TLN2: variants seen among roughly 807,000 people sequenced by gnomAD.
TLN2 encodes talin-2.
Under a neutral mutation model 294.7 loss-of-function variants are expected in TLN2, and 118 were observed. The ratio of observed to expected loss-of-function variants is 0.40; its 90% CI spans 0.34 to 0.47. The LOEUF is 0.47. Among genes scored for constraint, TLN2 ranks in the 20% least tolerant of loss-of-function variants. TLN2 has a pLI of 0.84. For synonymous variants in TLN2, 1,431 were observed against 1,304.5 expected, an observed-to-expected ratio of 1.10 and a Z score of -2.09; for missense variants, 3,083 against 3,282.2, an observed-to-expected ratio of 0.94 and a Z score of 1.48.
intron 44 of TLN2, 120 bp from the exon 45 acceptor site, chr15:62,783,651 A>G: frequency 6.9e-7 from 1 of 1,450,302 alleles, no homozygotes; most frequent in Non-Finnish European, 9.1e-7. Flanking sequence ...TCACCCCCTC[A>G]GGAGCTTAAA....
At chr15:62,552,458 G>C (rs1018056890) in intron 1 of TLN2, among the ~76,000 whole-genome samples, 5 of 152,134 alleles carry the variant, frequency 3.3e-5, no homozygotes, top group African/African-American at 1.2e-4. Context: ...ATTCCTAGCT[G>C]AGATCACACA....
At chr15:62,539,895 A>G (rs7177261) in intron 1 of TLN2, among the ~76,000 whole-genome samples, 3 of 151,120 alleles carry the variant, frequency 2.0e-5, no homozygotes, top group African/African-American at 7.3e-5. Flanking sequence ...TAGGCACAGG[A>G]GACCAAAAAA....
intron 1 of TLN2, among the ~76,000 whole-genome samples, chr15:62,534,654 C>T (rs1254379721): frequency 6.6e-6 from 1 of 152,120 alleles, no homozygotes; most frequent in Admixed American, 6.5e-5. Flanking sequence ...AGCCCCGCTC[C>T]CCTCCTCTGA....
intron 1 of TLN2, among the ~76,000 whole-genome samples, chr15:62,467,820 G>T (rs1194620731): frequency 6.6e-6 from 1 of 152,210 alleles, no homozygotes; most frequent in Non-Finnish European, 1.5e-5. Flanking sequence ...CTTCCCTAGT[G>T]TCAGGTGGCC....
At chr15:62,839,281 C>T (rs982129233) in intron 58 of TLN2, among the ~76,000 whole-genome samples, 8 of 152,208 alleles carry the variant, frequency 5.3e-5, no homozygotes, top group African/African-American at 1.9e-4. Context: ...TACGTCCTCT[C>T]ACATACCATT....
intron 48 of TLN2, 89 bp from the exon 49 acceptor site, chr15:62,800,279 C>T: frequency 1.3e-6 from 2 of 1,543,232 alleles, no homozygotes; most frequent in Admixed American, 1.9e-5. Context: ...CTCCCCCGTG[C>T]CCTGGCCTGC....
intron 19 of TLN2, among the ~76,000 whole-genome samples, chr15:62,706,868 C>G (rs1390390302): frequency 6.6e-6 from 1 of 152,088 alleles, no homozygotes; most frequent in Non-Finnish European, 1.5e-5. Context: ...TAGATTTAAA[C>G]CTATGCTACT....
At chr15:62,780,771 C>T (rs1432933102) in intron 43 of TLN2, among the ~76,000 whole-genome samples, 3 of 152,232 alleles carry the variant, frequency 2.0e-5, no homozygotes, top group Non-Finnish European at 4.4e-5. Context: ...CTTTGCGCTT[C>T]CCTAGAAGTG....
intron 1 of TLN2, among the ~76,000 whole-genome samples, chr15:62,581,425 A>G (rs1375833294): frequency 3.9e-5 from 6 of 152,166 alleles, no homozygotes; most frequent in Non-Finnish European, 8.8e-5. Flanking sequence ...CAAAAGAAAA[A>G]CTCAAGTAGT....
chr15:62,522,644 G>A (rs534074739), intron 1 of TLN2, among the ~76,000 whole-genome samples: 3 of 152,234 alleles, frequency 2.0e-5, no homozygotes, highest in Admixed American at 2.0e-4. Flanking sequence ...TTTCTGACTT[G>A]TTAACCCCCG....
intron 9 of TLN2, among the ~76,000 whole-genome samples, chr15:62,669,389 C>G (rs963585010): frequency 1.3e-5 from 2 of 152,002 alleles, no homozygotes; most frequent in African/African-American, 2.4e-5. Flanking sequence ...CTTTCAACCT[C>G]TCATGGATCT....
At chr15:62,763,735 A>T in intron 40 of TLN2, 40 bp downstream of exon 40, 1 of 1,541,874 alleles carries the variant, frequency 6.5e-7, no homozygotes. Context: ...TCGCCTCTAG[A>T]TATGTTGAAA....
chr15:62,545,100 T>G (rs890381229), intron 1 of TLN2, among the ~76,000 whole-genome samples: 1 of 151,602 alleles, frequency 6.6e-6, no homozygotes, highest in African/African-American at 2.4e-5. Flanking sequence ...CAGCTGATTT[T>G]TTTTTTTTTT....
chr15:62,746,056 G>A (rs1292887283), intron 32 of TLN2, among the ~76,000 whole-genome samples: 1 of 152,150 alleles, frequency 6.6e-6, no homozygotes, highest in Admixed American at 6.5e-5. Context: ...TTGAAGAGTT[G>A]AGGAAAACTG....
chr15:62,823,500 C>G (rs1427047276), intron 54 of TLN2, among the ~76,000 whole-genome samples: 1 of 152,198 alleles, frequency 6.6e-6, no homozygotes, highest in Admixed American at 6.5e-5. Flanking sequence ...TACCCTGGTA[C>G]ACACACATGC....
At chr15:62,507,186 T>C (rs368313905) in intron 1 of TLN2, among the ~76,000 whole-genome samples, 12 of 152,240 alleles carry the variant, frequency 7.9e-5, no homozygotes, top group African/African-American at 2.9e-4. Flanking sequence ...AATTGCTTTT[T>C]ATTAAAAGAT....
chr15:62,423,937 G>A (rs1449947458), intron 1 of TLN2, among the ~76,000 whole-genome samples: 1 of 152,064 alleles, frequency 6.6e-6, no homozygotes, highest in Non-Finnish European at 1.5e-5. Flanking sequence ...CTTTCATTTG[G>A]TAACTTTCCC....
At chr15:62,428,220 T>G (rs1166756225) in intron 1 of TLN2, among the ~76,000 whole-genome samples, 1 of 152,202 alleles carries the variant, frequency 6.6e-6, no homozygotes, top group African/African-American at 2.4e-5. Flanking sequence ...TTTGAGAAAT[T>G]AGGTGGAAGA....
intron 22 of TLN2, 27 bp downstream of exon 22, chr15:62,712,104 AAAGTGAACACTATT>A: frequency 6.2e-7 from 1 of 1,609,650 alleles, no homozygotes; most frequent in South Asian, 1.1e-5. Flanking sequence ...GTTTGTATGA[AAAGTGAACACTATT>A]AAGTGTTAGG....
Sources: gnomAD v4.1 joint callset for allele counts (sites outside exome capture counted in the v4.1 genomes callset) on GRCh38, gnomAD v4.1.1 for gene constraint, MANE v1.5 for transcripts, NCBI Gene and HGNC (gene_info 2026-07-23, HGNC 2026-07-21) for gene names.